TLE4: variants seen among roughly 807,000 people sequenced by gnomAD.
The protein encoded by TLE4 is transducin-like enhancer protein 4.
In TLE4, 8 loss-of-function variants were observed where a neutral mutation model predicts 92.8. The observed-to-expected ratio is 0.09, with a 90% CI of 0.05 to 0.16. The LOEUF is 0.16. Ranked by LOEUF, TLE4 falls within the 10% of genes least tolerant of loss-of-function variation. TLE4 has a pLI of 1.00. For synonymous variants in TLE4, 371 were observed against 374.1 expected (o/e 0.99, Z 0.10); for missense variants, 675 against 997.6 (o/e 0.68, Z 4.36).
Position 79,572,806 on chromosome 9 carries a change from A to T in TLE4, c.16A>T (p.Ser6Cys). Reference sequence around the variant, plus strand: ...ATCGGCTTGGATGATTCGCGACCTGAGCAAGATGTACCCGCAGACCAGACA... The same window carrying T: ...ATCGGCTTGGATGATTCGCGACCTGTGCAAGATGTACCCGCAGACCAGACA... MIRDL[S>C]KMYPQTRHPA... is the part of the protein sequence containing the mutation. The change falls in exon 1 of 20, where the codon AGC becomes TGC. Residue 6 changes from serine to cysteine, a missense_variant. Ser to Cys is a moderately radical substitution (Grantham distance 112). Around this residue, in one of 5 missense-constraint regions of TLE4, gnomAD observed 38 missense variants for 33.5 expected, o/e 1.14. Transcript: ENST00000376552. 6.3e-7 allele frequency: 1 copy of T among 1,599,934 alleles called. No homozygotes were observed. Among genetic ancestry groups the T allele is most frequent in the Non-Finnish European group, 8.5e-7 (1 of 1,174,254 alleles).
chr9:79,625,997 CAG>C (rs1218627852), intron 5 of TLE4, among the ~76,000 whole-genome samples: 3 of 151,868 alleles, frequency 2.0e-5, no homozygotes, highest in East Asian at 1.9e-4. Flanking sequence ...GTTTAATAAT[CAG>C]AGTCTATTAA....
intron 12 of TLE4, 71 bp downstream of exon 12, chr9:79,708,321 C>T (rs185764069): frequency 1.5e-5 from 23 of 1,532,004 alleles, no homozygotes; most frequent in African/African-American, 2.8e-5. Context: ...TTAAGGAGTA[C>T]AGTACATTAA....
chr9:79,703,848 C>T (rs575315559), intron 8 of TLE4, among the ~76,000 whole-genome samples: 17 of 152,290 alleles, frequency 1.1e-4, no homozygotes, highest in Middle Eastern at 3.4e-3. Flanking sequence ...TAACATATGG[C>T]GCTGAGCAAA....
At chr9:79,627,933 A>C (rs1269313954) in intron 6 of TLE4, among the ~76,000 whole-genome samples, 1 of 152,132 alleles carries the variant, frequency 6.6e-6, no homozygotes, top group Non-Finnish European at 1.5e-5. Flanking sequence ...TTGAAATAGA[A>C]ATAATAGATG....
intron 3 of TLE4, 34 bp downstream of exon 3, chr9:79,574,970 A>G (rs367712800): frequency 6.0e-5 from 96 of 1,587,762 alleles, no homozygotes; most frequent in Non-Finnish European, 7.7e-5. Flanking sequence ...CAAAGTGCCT[A>G]TTAGTTTGGA....
chr9:79,643,307 AC>A (rs149624847), intron 6 of TLE4, among the ~76,000 whole-genome samples: 1,696 of 152,264 alleles, frequency 0.011, 39 homozygotes, highest in African/African-American at 0.038. Context: ...ATGCTGTTTC[AC>A]CCCCTAATAT....
chr9:79,723,731 T>C (rs553081385), intron 19 of TLE4, among the ~76,000 whole-genome samples: 93 of 152,332 alleles, frequency 6.1e-4, no homozygotes, highest in African/African-American at 2.0e-3. Context: ...CTTGACCAAG[T>C]GGTATTATCA....
chr9:79,588,217 G>A (rs925933455), intron 4 of TLE4, among the ~76,000 whole-genome samples: 1 of 151,496 alleles, frequency 6.6e-6, no homozygotes, highest in African/African-American at 2.4e-5. Context: ...GCGTGATCTC[G>A]GCTCATTGTG....
intron 6 of TLE4, among the ~76,000 whole-genome samples, chr9:79,641,985 T>C (rs2057249266): frequency 6.6e-6 from 1 of 151,824 alleles, no homozygotes; most frequent in Non-Finnish European, 1.5e-5. Context: ...TATAGAAGAC[T>C]ATAGAAAATA....
At position 79,704,896 on chromosome 9, in the gene TLE4, T is replaced by A. The variant is rs367632825; in HGVS notation, c.723T>A (p.Ala241=). The stretch of plus-strand genomic sequence containing the variant: ...AAACTGAAGAAAAGGAAATTGCAGC[T>A]CGTTATGTAAGTTCATTCACCTTTG... The part of the protein sequence containing the change: ...KQKTEEKEIA[A]RYDSDGEKSD... Residue 241 remains alanine (A), a synonymous_variant, in exon 9 of 20, where the codon GCT becomes GCA. Transcript: ENST00000376552. 26 of 1,614,078 alleles carry A rather than the reference T, an allele frequency of 1.6e-5. No homozygotes were observed. The highest frequency in any genetic ancestry group is 2.1e-5 in the Non-Finnish European group (25 of 1,179,994).
At chr9:79,721,991 C>G (rs182316610) in intron 17 of TLE4, 103 bp downstream of exon 17, 1 of 1,470,142 alleles carries the variant, frequency 6.8e-7, no homozygotes, top group African/African-American at 1.4e-5. Flanking sequence ...ATGGTGAAAC[C>G]CCATCTCTAC....
chr9:79,660,943 TCCAG>T (rs1376794983), intron 8 of TLE4, among the ~76,000 whole-genome samples: 1 of 152,194 alleles, frequency 6.6e-6, no homozygotes, highest in African/African-American at 2.4e-5. Flanking sequence ...GTTGGCTTTC[TCCAG>T]CTGATTTGGC....
intron 14 of TLE4, among the ~76,000 whole-genome samples, chr9:79,712,053 G>A (rs1245641676): frequency 6.6e-6 from 1 of 152,152 alleles, no homozygotes; most frequent in African/African-American, 2.4e-5. Context: ...TCATGAATCA[G>A]GGATGGCCCC....
chr9:79,713,851 T>TTTGTTG (rs146268539), intron 14 of TLE4, among the ~76,000 whole-genome samples: 3 of 150,252 alleles, frequency 2.0e-5, no homozygotes, highest in Non-Finnish European at 4.4e-5. Flanking sequence ...ATTGTTGTTG[T>TTTGTTG]TTGTTGTTGT....
intron 8 of TLE4, among the ~76,000 whole-genome samples, chr9:79,698,039 C>T (rs1197857293): frequency 6.6e-6 from 1 of 152,114 alleles, no homozygotes; most frequent in Non-Finnish European, 1.5e-5. Flanking sequence ...AAGGGAATAG[C>T]TGTCTATGGG....
At chr9:79,720,809 C>T (rs149263176) in intron 16 of TLE4, among the ~76,000 whole-genome samples, 93 of 152,128 alleles carry the variant, frequency 6.1e-4, no homozygotes, top group African/African-American at 2.0e-3. Context: ...CTCCCATGGG[C>T]CTATGCACTG....
At chr9:79,722,342 CT>C in intron 17 of TLE4, 108 bp from the exon 18 acceptor site, 8 of 1,306,718 alleles carry the variant, frequency 6.1e-6, no homozygotes, top group Non-Finnish European at 8.3e-6. Context: ...TTCAAATTAT[CT>C]TGATTTTCTT....
At chr9:79,702,287 A>G (rs1463783008) in intron 8 of TLE4, among the ~76,000 whole-genome samples, 2 of 152,128 alleles carry the variant, frequency 1.3e-5, no homozygotes, top group South Asian at 2.1e-4. Flanking sequence ...TTAAAAGAGG[A>G]GTTAAAACAG....
In TLE4 at chr9:79,573,673, T is replaced by C. The variant is rs754418382; in HGVS notation, c.46-16T>C. ...TGTGATGTGGGCTAATTAAATATTT[T>C]ATTGTTGTTCTTCAGGCACCGCATC... On this transcript the variant is annotated splice_polypyrimidine_tract_variant and intron_variant, in intron 1 of 19. Transcript: ENST00000376552. 2 of 1,580,802 alleles carry C rather than the reference T, an allele frequency of 1.3e-6. No individual in the cohort carries two copies. Among genetic ancestry groups the C allele is most frequent in the Middle Eastern group, 1.7e-4 (1 of 5,948 alleles).
Sources: gnomAD v4.1 joint callset for allele counts (sites outside exome capture counted in the v4.1 genomes callset) on GRCh38, gnomAD v4.1.1 for gene constraint, gnomAD v4.1.1 regional missense constraint, MANE v1.5 for transcripts, NCBI Gene and HGNC (gene_info 2026-07-23, HGNC 2026-07-21) for gene names.